The following CSMD3 variants were observed in gnomAD, a reference collection of about 807,000 sequenced individuals.
CSMD3 encodes CUB and Sushi multiple domains 3.
Under a neutral mutation model 435.2 loss-of-function variants are expected in CSMD3, and 177 were observed. The observed-to-expected ratio is 0.41, with a 90% CI of 0.36 to 0.46. The LOEUF is 0.46. Ranked by LOEUF, CSMD3 falls within the 20% of genes least tolerant of loss-of-function variation. The pLI is 0.34. For synonymous variants in CSMD3, 1,656 were observed against 1,520.5 expected (o/e 1.09, Z -2.07); for missense variants, 4,265 against 4,504.6 (o/e 0.95, Z 1.52).
chr8:112,785,774 G>A (rs923313391), intron 13 of CSMD3, among the ~76,000 whole-genome samples: 2 of 151,774 alleles, frequency 1.3e-5, no homozygotes, highest in Non-Finnish European at 2.9e-5. Context: ...ATTTACGCAA[G>A]ACATTTAAAA....
intron 10 of CSMD3, among the ~76,000 whole-genome samples, chr8:112,902,712 C>G (rs993023617): frequency 3.3e-5 from 5 of 151,180 alleles, no homozygotes; most frequent in African/African-American, 1.2e-4. Context: ...GGATTGTTGT[C>G]AATAATCTAG....
chr8:113,322,899 C>T (rs145373111), intron 1 of CSMD3, among the ~76,000 whole-genome samples: 4 of 152,132 alleles, frequency 2.6e-5, no homozygotes, highest in South Asian at 4.2e-4. Flanking sequence ...GTGCCCGCCA[C>T]CATGCCCGGC....
intron 2 of CSMD3, among the ~76,000 whole-genome samples, chr8:113,286,923 G>A (rs1463349100): frequency 1.3e-5 from 2 of 151,782 alleles, no homozygotes; most frequent in Non-Finnish European, 2.9e-5. Context: ...GAGAGAGGAC[G>A]AGGAGTAAAG....
chr8:112,859,140 C>T lies in CSMD3; in HGVS notation c.1755+5G>A. ...TTTTTTAAATCACAGATGGTGTTCT[C>T]TTACCTTATTTGTATTCACTGCTGT... is the stretch of plus-strand genomic sequence containing the variant. On this transcript the variant is annotated splice_donor_5th_base_variant and intron_variant, in intron 11 of 70. Transcript: ENST00000297405. 1.2e-6 allele frequency: 2 copies of T among 1,609,350 alleles called. No individual in the cohort carries two copies. The highest frequency in any genetic ancestry group is 1.7e-6 in the Non-Finnish European group (2 of 1,176,364).
chr8:113,361,148 T>C (rs889181662), intron 1 of CSMD3, among the ~76,000 whole-genome samples: 10 of 152,212 alleles, frequency 6.6e-5, no homozygotes, highest in Non-Finnish European at 1.3e-4. Flanking sequence ...AAATGCATTA[T>C]GATCATGTTC....
intron 3 of CSMD3, among the ~76,000 whole-genome samples, chr8:113,186,758 G>A (rs2092509102): frequency 6.6e-6 from 1 of 152,006 alleles, no homozygotes; most frequent in African/African-American, 2.4e-5. Context: ...GTGGTCACAT[G>A]GATAGCTTTA....
chr8:113,031,691 T>C (rs1001507669), intron 5 of CSMD3, among the ~76,000 whole-genome samples: 4 of 151,732 alleles, frequency 2.6e-5, no homozygotes, highest in African/African-American at 9.7e-5. Flanking sequence ...CAGTAGATTG[T>C]AATTGTTATG....
At chr8:113,125,410 A>G (rs2091098032) in intron 4 of CSMD3, among the ~76,000 whole-genome samples, 1 of 152,018 alleles carries the variant, frequency 6.6e-6, no homozygotes, top group Non-Finnish European at 1.5e-5. Context: ...CTGGAGATTA[A>G]AAAATTGAGG....
At chr8:112,733,259 A>G (rs2077114001) in intron 13 of CSMD3, among the ~76,000 whole-genome samples, 1 of 152,140 alleles carries the variant, frequency 6.6e-6, no homozygotes, top group South Asian at 2.1e-4. Flanking sequence ...ACCACGCTAG[A>G]CGAATTAAGC....
intron 13 of CSMD3, among the ~76,000 whole-genome samples, chr8:112,754,102 T>C (rs1347205408): frequency 6.6e-6 from 1 of 152,162 alleles, no homozygotes; most frequent in Non-Finnish European, 1.5e-5. Flanking sequence ...ACCTGAGCAA[T>C]AGGAAGTATA....
intron 11 of CSMD3, among the ~76,000 whole-genome samples, chr8:112,847,630 G>T (rs896816140): frequency 6.6e-6 from 1 of 152,166 alleles, no homozygotes; most frequent in Non-Finnish European, 1.5e-5. Context: ...GCTATAGTCT[G>T]CAGAAAAGTG....
At chr8:113,407,645 G>T (rs1055962943) in intron 1 of CSMD3, among the ~76,000 whole-genome samples, 7 of 151,898 alleles carry the variant, frequency 4.6e-5, no homozygotes, top group African/African-American at 1.7e-4. Flanking sequence ...TTGACAGTGT[G>T]AACATTTCCA....
At position 112,223,445 on chromosome 8, in the gene CSMD3, AC is replaced by A. The variant is rs111773204; in HGVS notation, c.*1325del. On this transcript the variant is annotated 3_prime_UTR_variant, in exon 71 of 71. Coordinates refer to ENST00000297405, the MANE Select transcript of CSMD3 (RefSeq NM_198123.2). ...ACATGATCGTATTCAATGAAGTAAA[AC>A]AGCTATAAAAGGAAGACGATGACCT... The A allele has an allele frequency of 0.41, 76,397 of 188,126 alleles. 18,251 individuals are homozygous for A. The highest frequency in any genetic ancestry group is 0.7 in the African/African-American group (30,352 of 43,130). The allele number at this position is 188,126 out of a possible 1,614,324, so 11.7% of individuals were successfully genotyped here. A position where few individuals can be genotyped will look rare whatever the true frequency, so the allele number is the denominator to read the frequency against.
At chr8:112,915,823 A>C (rs2082556453) in intron 10 of CSMD3, among the ~76,000 whole-genome samples, 1 of 151,802 alleles carries the variant, frequency 6.6e-6, no homozygotes, top group Non-Finnish European at 1.5e-5. Context: ...GAGTTTATTA[A>C]AATTTTTAAA....
At chr8:113,413,052 A>G (rs1269434448) in intron 1 of CSMD3, among the ~76,000 whole-genome samples, 3 of 152,124 alleles carry the variant, frequency 2.0e-5, no homozygotes, top group Non-Finnish European at 4.4e-5. Context: ...TTGCAACTAT[A>G]TTTATTCAAT....
At chr8:112,996,199 T>C (rs2085647004) in intron 6 of CSMD3, among the ~76,000 whole-genome samples, 1 of 151,464 alleles carries the variant, frequency 6.6e-6, no homozygotes, top group African/African-American at 2.4e-5. Context: ...AATACATCTC[T>C]TGAACTTATA....
intron 13 of CSMD3, among the ~76,000 whole-genome samples, chr8:112,715,770 A>G (rs1249006541): frequency 3.3e-5 from 5 of 152,214 alleles, no homozygotes; most frequent in African/African-American, 1.2e-4. Flanking sequence ...CTGGTTCAAC[A>G]TACACAAACC....
chr8:112,568,544 C>T (rs879809789), intron 24 of CSMD3, among the ~76,000 whole-genome samples: 16 of 140,368 alleles, frequency 1.1e-4, no homozygotes, highest in Non-Finnish European at 2.1e-4. Flanking sequence ...CCAGCCTGGG[C>T]GACAGAGCAA....
At chr8:113,094,071 T>C (rs1300536969) in intron 5 of CSMD3, among the ~76,000 whole-genome samples, 1 of 152,164 alleles carries the variant, frequency 6.6e-6, no homozygotes, top group Non-Finnish European at 1.5e-5. Context: ...ATCTTACCAA[T>C]TGAAATCATT....
Sources: allele counts gnomAD v4.1 joint callset (sites outside exome capture counted in the v4.1 genomes callset), GRCh38; gene constraint gnomAD v4.1.1; transcripts MANE v1.5; gene names NCBI Gene and HGNC (gene_info 2026-07-23, HGNC 2026-07-21).